EPHX1: variants seen among roughly 807,000 people sequenced by gnomAD.
EPHX1 encodes epoxide hydrolase 1.
In EPHX1, 40 loss-of-function variants were observed where a neutral mutation model predicts 43.2. The ratio of observed to expected loss-of-function variants is 0.93; its 90% CI spans 0.72 to 1.21. The LOEUF is 1.21. EPHX1 is among the 50% of genes most tolerant of loss of function. EPHX1 has a pLI of 0.00. For missense variants in EPHX1, 550 were observed against 570.4 expected, an observed-to-expected ratio of 0.96 and a Z score of 0.36; for synonymous variants, 221 against 226.7, an observed-to-expected ratio of 0.98 and a Z score of 0.22.
intron 2 of EPHX1, among the ~76,000 whole-genome samples, chr1:225,830,416 CT>C (rs1325536864): frequency 6.6e-6 from 1 of 152,174 alleles, no homozygotes; most frequent in African/African-American, 2.4e-5. Context: ...TGGGGCTGGC[CT>C]TTTAGCCTAA....
intron 3 of EPHX1, among the ~76,000 whole-genome samples, chr1:225,832,592 G>T (rs1340386414): frequency 6.6e-6 from 1 of 152,240 alleles, no homozygotes; most frequent in Non-Finnish European, 1.5e-5. Context: ...GGATCATACG[G>T]TAATTCTGCG....
At chr1:225,836,611 A>AG (rs1251284035) in intron 3 of EPHX1, among the ~76,000 whole-genome samples, 4 of 152,206 alleles carry the variant, frequency 2.6e-5, no homozygotes, top group Admixed American at 6.6e-5. Context: ...AAGAAGAAGA[A>AG]AAAAAAAGGA....
At chr1:225,830,378 C>G (rs970687626) in intron 2 of EPHX1, among the ~76,000 whole-genome samples, 1 of 152,198 alleles carries the variant, frequency 6.6e-6, no homozygotes, top group African/African-American at 2.4e-5. Flanking sequence ...TTGAGAGGCT[C>G]TCTAAGCTGA....
chr1:225,835,758 G>A (rs1414392149), intron 3 of EPHX1, among the ~76,000 whole-genome samples: 3 of 150,512 alleles, frequency 2.0e-5, no homozygotes, highest in African/African-American at 4.9e-5. Flanking sequence ...ATGTCACCCA[G>A]GCTGATCGCA....
At chr1:225,827,261 C>T (rs2854455) in intron 1 of EPHX1, among the ~76,000 whole-genome samples, 106,584 of 151,952 alleles carry the variant, frequency 0.7, 39,403 homozygotes, top group South Asian at 0.93. Context: ...GAGCGAGGGG[C>T]GCTGCTGGGG....
chr1:225,844,894 A>G (rs1668804229), intron 8 of EPHX1, among the ~76,000 whole-genome samples: 1 of 152,108 alleles, frequency 6.6e-6, no homozygotes, highest in African/African-American at 2.4e-5. Flanking sequence ...TGGGATTTCC[A>G]AGTCTCACAT....
chr1:225,822,806 C>T (rs1310619932), intron 1 of EPHX1, among the ~76,000 whole-genome samples: 1 of 152,188 alleles, frequency 6.6e-6, no homozygotes, highest in Non-Finnish European at 1.5e-5. Flanking sequence ...CTTTGGTCAT[C>T]CTCCCAAATC....
At chr1:225,816,875 T>C (rs1340005216) in intron 1 of EPHX1, among the ~76,000 whole-genome samples, 2 of 152,176 alleles carry the variant, frequency 1.3e-5, no homozygotes, top group Non-Finnish European at 2.9e-5. Flanking sequence ...CCAAATTGTT[T>C]TCTTTCTATC....
chr1:225,824,434 C>T (rs1328452664), intron 1 of EPHX1, among the ~76,000 whole-genome samples: 1 of 152,138 alleles, frequency 6.6e-6, no homozygotes, highest in African/African-American at 2.4e-5. Context: ...TTGCCTACTC[C>T]GATTCTTGCC....
intron 1 of EPHX1, among the ~76,000 whole-genome samples, chr1:225,824,214 A>C (rs556932892): frequency 7.1e-6 from 1 of 140,340 alleles, no homozygotes; most frequent in East Asian, 1.9e-4. Context: ...GTTTCTTATT[A>C]TTACATTTTT....
chr1:225,816,917 G>T (rs913506454), intron 1 of EPHX1, among the ~76,000 whole-genome samples: 1 of 152,168 alleles, frequency 6.6e-6, no homozygotes, highest in Non-Finnish European at 1.5e-5. Flanking sequence ...TGGAGGTGGA[G>T]GGAATTCCCT....
intron 1 of EPHX1, among the ~76,000 whole-genome samples, chr1:225,821,377 C>T (rs993663469): frequency 4.0e-5 from 6 of 151,804 alleles, no homozygotes; most frequent in Non-Finnish European, 7.4e-5. Flanking sequence ...TCCCGAGTAG[C>T]TGGGACTACA....
At chr1:225,828,006 G>C (rs902387709) in intron 1 of EPHX1, among the ~76,000 whole-genome samples, 4 of 152,148 alleles carry the variant, frequency 2.6e-5, no homozygotes, top group African/African-American at 9.7e-5. Context: ...CTCCCCTGGG[G>C]GAGGGAACCC....
chr1:225,831,253 A>G (rs1667572989), intron 2 of EPHX1, among the ~76,000 whole-genome samples: 1 of 152,214 alleles, frequency 6.6e-6, no homozygotes, highest in South Asian at 2.1e-4. Flanking sequence ...TATACACTTA[A>G]AGAGTAAAAG....
intron 1 of EPHX1, among the ~76,000 whole-genome samples, chr1:225,824,709 C>A (rs1029627840): frequency 6.6e-6 from 1 of 152,200 alleles, no homozygotes; most frequent in Admixed American, 6.5e-5. Context: ...GTGGTGACCC[C>A]CTCCGTCCTC....
At chr1:225,830,407 G>A (rs1667513521) in intron 2 of EPHX1, among the ~76,000 whole-genome samples, 2 of 152,182 alleles carry the variant, frequency 1.3e-5, no homozygotes, top group African/African-American at 4.8e-5. Context: ...TCCTCCCTCT[G>A]GGGCTGGCCT....
intron 8 of EPHX1, 141 bp downstream of exon 8, chr1:225,844,764 C>T (rs1668788127): frequency 7.3e-7 from 1 of 1,373,118 alleles, no homozygotes; most frequent in Non-Finnish European, 9.9e-7. Context: ...TGGATGGGAA[C>T]ACTAAAGGTC....
intron 1 of EPHX1, among the ~76,000 whole-genome samples, chr1:225,813,746 G>A (rs1053371990): frequency 2.0e-5 from 3 of 152,218 alleles, no homozygotes; most frequent in African/African-American, 7.2e-5. Flanking sequence ...GAGTCCTCAT[G>A]CCCACCCGCC....
rs187747307 is a variant in EPHX1 at position 225,843,083 on chromosome 1, G to A, written c.1040+609G>A. Among the ~76,000 whole-genome samples the A allele has an allele frequency of 4.7e-4, 72 of 152,346 alleles. 1 individual carries two copies. In the Middle Eastern group the frequency reaches 0.01, roughly 22 times the overall value. On this transcript the variant is annotated intron_variant, in intron 7 of 8. Coordinates refer to ENST00000272167, the MANE Select transcript of EPHX1 (RefSeq NM_001136018.4). Reference sequence around the variant, plus strand: ...AATGAGACTGAATCCTGCCTTGGGGGTAGGGACTCTGTCTTGGCCATGCTG... The same window carrying A: ...AATGAGACTGAATCCTGCCTTGGGGATAGGGACTCTGTCTTGGCCATGCTG...
Sources: gnomAD v4.1 joint callset for allele counts (sites outside exome capture counted in the v4.1 genomes callset) on GRCh38, gnomAD v4.1.1 for gene constraint, MANE v1.5 for transcripts, NCBI Gene and HGNC (gene_info 2026-07-23, HGNC 2026-07-21) for gene names.